The following DPP6 variants were observed in gnomAD, a reference collection of about 807,000 sequenced individuals.
DPP6 encodes dipeptidyl peptidase like 6.
In DPP6, 69 loss-of-function variants were observed where a neutral mutation model predicts 122.6. The observed-to-expected ratio is 0.56, with a 90% CI of 0.46 to 0.69. DPP6 has a LOEUF of 0.69. Ranked by LOEUF, DPP6 falls within the 30% of genes least tolerant of loss-of-function variation. The pLI, the probability that DPP6 is intolerant of heterozygous loss-of-function variation, is 0.00. For synonymous variants in DPP6, 418 were observed against 433.1 expected (o/e 0.97, Z 0.43); for missense variants, 928 against 1,116.9 (o/e 0.83, Z 2.41).
intron 4 of DPP6, 96 bp downstream of exon 4, chr7:154,540,722 C>A: frequency 1.4e-6 from 1 of 715,514 alleles, no homozygotes; most frequent in South Asian, 1.9e-5. Flanking sequence ...TTTAGCATAG[C>A]CAAGGAGAAG....
intron 5 of DPP6, among the ~76,000 whole-genome samples, chr7:154,586,011 G>A (rs1050173586): frequency 2.6e-5 from 4 of 152,128 alleles, no homozygotes; most frequent in Non-Finnish European, 5.9e-5. Flanking sequence ...CTTGAGGTGG[G>A]ATGGCACAGT....
chr7:154,536,458 C>T (rs186108959), intron 3 of DPP6, among the ~76,000 whole-genome samples: 64 of 152,210 alleles, frequency 4.2e-4, no homozygotes, highest in Admixed American at 1.6e-3. Flanking sequence ...AGACCAAGTA[C>T]GCAGAAGGAA....
intron 1 of DPP6, among the ~76,000 whole-genome samples, chr7:153,955,272 G>A (rs1802407539): frequency 6.6e-6 from 1 of 152,010 alleles, no homozygotes; most frequent in African/African-American, 2.4e-5. Context: ...TTGTCTAGAT[G>A]GCTTCATGGA....
chr7:154,874,567 C>A (rs954203010), intron 19 of DPP6, among the ~76,000 whole-genome samples: 1 of 152,370 alleles, frequency 6.6e-6, no homozygotes, highest in African/African-American at 2.4e-5. Flanking sequence ...CGACATAGAG[C>A]AGCACCATGA....
intron 14 of DPP6, 130 bp from the exon 15 acceptor site, chr7:154,804,787 C>T: frequency 7.7e-7 from 1 of 1,302,166 alleles, no homozygotes; most frequent in Non-Finnish European, 1.1e-6. Context: ...TGGACCTGAA[C>T]AGGGGAGCTA....
intron 1 of DPP6, among the ~76,000 whole-genome samples, chr7:154,209,823 C>A (rs1006835557): frequency 2.0e-5 from 3 of 152,290 alleles, no homozygotes; most frequent in Admixed American, 2.0e-4. Context: ...ATTAAGATTG[C>A]ATTTCTTCAT....
intron 1 of DPP6, among the ~76,000 whole-genome samples, chr7:153,966,554 C>CTTTTTTTTTTTTTTTTTTTTTTT (rs753840054): frequency 9.7e-5 from 4 of 41,358 alleles, no homozygotes; most frequent in East Asian, 1.9e-3. Flanking sequence ...CCTGTGTTGG[C>CTTTTTTTTTTTTTTTTTTTTTTT]TTTTTTTTTT....
At chr7:154,061,475 G>T (rs1307147863) in intron 1 of DPP6, among the ~76,000 whole-genome samples, 1 of 147,068 alleles carries the variant, frequency 6.8e-6, no homozygotes, top group African/African-American at 2.5e-5. Flanking sequence ...CCCCCTATTA[G>T]AGGGCCTTGG....
intron 5 of DPP6, among the ~76,000 whole-genome samples, chr7:154,623,645 GCA>G (rs1211842581): frequency 8.0e-5 from 5 of 62,834 alleles, no homozygotes; most frequent in Admixed American, 1.5e-4. Context: ...GCACACACGC[GCA>G]CACACGCGCA....
chr7:154,298,995 TA>T (rs774849602), intron 1 of DPP6, among the ~76,000 whole-genome samples: 16 of 152,190 alleles, frequency 1.1e-4, no homozygotes, highest in Non-Finnish European at 1.9e-4. Flanking sequence ...GAACAAGAAA[TA>T]ATTCCCCAGG....
intron 8 of DPP6, among the ~76,000 whole-genome samples, chr7:154,743,519 A>G (rs1214319993): frequency 2.0e-5 from 3 of 152,224 alleles, no homozygotes; most frequent in Admixed American, 2.0e-4. Context: ...AGAGAAAGAA[A>G]GAAGGCTGAA....
the DPP6 span, among the ~76,000 whole-genome samples, chr7:153,808,500 T>C: frequency 6.6e-6 from 1 of 152,112 alleles, no homozygotes; most frequent in Non-Finnish European, 1.5e-5. Context: ...AAATTCCAAG[T>C]ACACAATACA....
At chr7:153,784,705 T>C in the DPP6 span, among the ~76,000 whole-genome samples, 1 of 152,294 alleles carries the variant, frequency 6.6e-6, no homozygotes, top group South Asian at 2.1e-4. Context: ...TCTGAAAAGA[T>C]CTAGTGGTCC....
intron 1 of DPP6, among the ~76,000 whole-genome samples, chr7:154,300,132 G>A (rs911446208): frequency 1.2e-4 from 18 of 152,220 alleles, no homozygotes; most frequent in Admixed American, 3.3e-4. Context: ...CGTGGGAGTG[G>A]GAGGTAAATA....
chr7:154,240,363 C>T (rs1801511073), intron 1 of DPP6, among the ~76,000 whole-genome samples: 1 of 152,168 alleles, frequency 6.6e-6, no homozygotes, highest in Non-Finnish European at 1.5e-5. Flanking sequence ...CTTTCCTGAA[C>T]TGACCAGCCT....
At chr7:154,488,098 T>G (rs1268434736) in intron 3 of DPP6, among the ~76,000 whole-genome samples, 1 of 152,024 alleles carries the variant, frequency 6.6e-6, no homozygotes, top group Non-Finnish European at 1.5e-5. Flanking sequence ...AAATTGAGTC[T>G]CCAGAGAAGA....
intron 1 of DPP6, among the ~76,000 whole-genome samples, chr7:154,337,481 C>T (rs1809528486): frequency 2.6e-5 from 4 of 152,156 alleles, no homozygotes; most frequent in Admixed American, 2.6e-4. Context: ...CTCGAGTTAT[C>T]AGCAGGACGA....
chr7:153,887,359 G>A (rs1047426451), exon 1 of DPP6: 6 of 224,484 alleles, frequency 2.7e-5, no homozygotes, highest in African/African-American at 4.5e-5. Context: ...TCTCGCCCTC[G>A]CTAGCTGGGC....
intron 1 of DPP6, among the ~76,000 whole-genome samples, chr7:154,406,989 C>T (rs1816172209): frequency 6.6e-6 from 1 of 152,156 alleles, no homozygotes; most frequent in Non-Finnish European, 1.5e-5. Context: ...CAAACATCAG[C>T]TTTTCCATCA....
Sources: gnomAD v4.1 joint callset for allele counts (sites outside exome capture counted in the v4.1 genomes callset) on GRCh38, gnomAD v4.1.1 for gene constraint, MANE v1.5 for transcripts, NCBI Gene and HGNC (gene_info 2026-07-23, HGNC 2026-07-21) for gene names.